The following GIGYF2 variants were observed in gnomAD, a reference collection of about 807,000 sequenced individuals.
The protein encoded by GIGYF2 is GRB10-interacting GYF protein 2.
GIGYF2 carries 25 observed loss-of-function variants against 208.1 expected under a neutral mutation model. The ratio of observed to expected loss-of-function variants is 0.12; its 90% CI spans 0.09 to 0.17. GIGYF2 has a LOEUF of 0.17. Among genes scored for constraint, GIGYF2 ranks in the 10% least tolerant of loss-of-function variants. The pLI is 1.00. For synonymous variants in GIGYF2, 534 were observed against 543.8 expected, an observed-to-expected ratio of 0.98 and a Z score of 0.25; for missense variants, 1,302 against 1,579.4, an observed-to-expected ratio of 0.82 and a Z score of 2.98.
chr2:232,822,551 T>G (rs1701121218), intron 21 of GIGYF2, among the ~76,000 whole-genome samples: 1 of 152,086 alleles, frequency 6.6e-6, no homozygotes, highest in Non-Finnish European at 1.5e-5. Context: ...CGTGGTGGCG[T>G]GCGCCTGTAA....
At position 232,818,535 on chromosome 2, in the gene GIGYF2, G is replaced by A. The variant is rs1446310; in HGVS notation, c.2371-1292G>A. ...ACCACCATTTATTAAAGAGACTGTC[G>A]TTTCCCCCATTGTGTGTTTGTGGCA... On this transcript the variant is annotated intron_variant, in intron 20 of 28. Coordinates refer to ENST00000373563, the MANE Select transcript of GIGYF2 (RefSeq NM_001103146.3). Among the ~76,000 whole-genome samples, 14 of 152,106 alleles carry A rather than the reference G, an allele frequency of 9.2e-5. No individual in the cohort carries two copies. The South Asian group carries it at 2.7e-3, about 29-fold the overall frequency.
At chr2:232,770,852 G>T (rs765523438) in intron 8 of GIGYF2, 2 of 1,322,044 alleles carry the variant, frequency 1.5e-6, no homozygotes, top group Admixed American at 1.8e-5. Flanking sequence ...CTGTAGTTTT[G>T]TTTTGTTTTG....
chr2:232,724,047 A>C (rs1697073359), intron 2 of GIGYF2, among the ~76,000 whole-genome samples: 1 of 145,794 alleles, frequency 6.9e-6, no homozygotes, highest in African/African-American at 2.6e-5. Context: ...CACAGCTAAG[A>C]TTCTTATTTT....
intron 3 of GIGYF2, among the ~76,000 whole-genome samples, chr2:232,746,654 G>C (rs942880064): frequency 6.6e-6 from 1 of 152,004 alleles, no homozygotes; most frequent in African/African-American, 2.4e-5. Flanking sequence ...CTGTTCTTTA[G>C]AGGCAACTTT....
intron 6 of GIGYF2, among the ~76,000 whole-genome samples, chr2:232,756,566 G>T (rs1698550798): frequency 6.6e-6 from 1 of 152,146 alleles, no homozygotes; most frequent in Non-Finnish European, 1.5e-5. Context: ...ACATGAGGGA[G>T]TCTAGACAGT....
intron 27 of GIGYF2, among the ~76,000 whole-genome samples, chr2:232,849,561 G>A (rs1574953951): frequency 1.3e-5 from 2 of 152,158 alleles, no homozygotes; most frequent in South Asian, 2.1e-4. Context: ...CAGGAAGATG[G>A]AAGCCCAGTA....
chr2:232,812,498 A>T lies in GIGYF2; in HGVS notation c.2107+7A>T. 9.2e-7 allele frequency: 1 copy of T among 1,092,780 alleles called. No homozygotes were observed. Among genetic ancestry groups the T allele is most frequent in the Non-Finnish European group, 1.4e-6 (1 of 704,876 alleles). The allele number at this position is 1,092,780 out of a possible 1,614,324, so 67.7% of individuals were successfully genotyped here. On this transcript the variant is annotated splice_region_variant and intron_variant, in intron 18 of 28. Coordinates refer to ENST00000373563, the MANE Select transcript of GIGYF2 (RefSeq NM_001103146.3). ...ACAGCTTCACAGCCTACAGGTAAAA[A>T]CTTAGATTAACCTTTAGTACCACTC...
intron 5 of GIGYF2, among the ~76,000 whole-genome samples, chr2:232,751,102 C>A (rs1698322668): frequency 6.6e-6 from 1 of 152,230 alleles, no homozygotes; most frequent in Admixed American, 6.5e-5. Flanking sequence ...GCTGGGCTTA[C>A]AGGCATGATC....
At chr2:232,739,828 G>T (rs549112801) in intron 3 of GIGYF2, among the ~76,000 whole-genome samples, 1 of 151,628 alleles carries the variant, frequency 6.6e-6, no homozygotes, top group African/African-American at 2.4e-5. Context: ...GGCCGGGCGC[G>T]GTGGCACATG....
intron 9 of GIGYF2, among the ~76,000 whole-genome samples, chr2:232,787,820 C>T (rs1699961769): frequency 6.6e-6 from 1 of 152,162 alleles, no homozygotes; most frequent in Non-Finnish European, 1.5e-5. Context: ...AACATAATCA[C>T]AAGTTCATTC....
intron 14 of GIGYF2, among the ~76,000 whole-genome samples, chr2:232,797,489 T>TTTG (rs1553614939): frequency 1.7e-4 from 24 of 145,090 alleles, no homozygotes; most frequent in African/African-American, 5.7e-4. Context: ...AGAGCAGGGC[T>TTTG]TGTGTGTGTG....
At chr2:232,706,534 T>A (rs574295866) in intron 2 of GIGYF2, among the ~76,000 whole-genome samples, 23 of 152,234 alleles carry the variant, frequency 1.5e-4, no homozygotes, top group African/African-American at 5.1e-4. Context: ...TCCCATCCAT[T>A]TGGGAGGCTG....
At chr2:232,731,117 C>G (rs923226676) in intron 2 of GIGYF2, 8 of 152,010 alleles carry the variant, frequency 5.3e-5, no homozygotes, top group Non-Finnish European at 1.0e-4. Context: ...GTTGTTGTTC[C>G]TTAGATGCTG....
Position 232,841,604 on chromosome 2 carries a change from C to T in GIGYF2, c.2889+1633C>T, listed in dbSNP as rs76011486. Among the ~76,000 whole-genome samples, 23 of 152,180 alleles carry T rather than the reference C, an allele frequency of 1.5e-4. No homozygotes were observed. The East Asian group carries it at 4.2e-3, about 28-fold the overall frequency. On this transcript the variant is annotated intron_variant, in intron 23 of 28. Coordinates refer to ENST00000373563, the MANE Select transcript of GIGYF2 (RefSeq NM_001103146.3). ...TGCTGGAATAACAGACATGAGCCAC[C>T]GTGCCCTGCCTTCATTTGTATTTTC...
At chr2:232,705,267 G>GT (rs1380583987) in intron 2 of GIGYF2, among the ~76,000 whole-genome samples, 3 of 152,178 alleles carry the variant, frequency 2.0e-5, no homozygotes, top group Non-Finnish European at 4.4e-5. Context: ...TAGAGTAGTA[G>GT]TGGGGACCGT....
intron 22 of GIGYF2, among the ~76,000 whole-genome samples, chr2:232,836,280 A>T (rs912758290): frequency 1.7e-3 from 7 of 4,086 alleles, no homozygotes; most frequent in Admixed American, 0.01. Flanking sequence ...ATATATATAT[A>T]TATATATATA....
intron 8 of GIGYF2, among the ~76,000 whole-genome samples, chr2:232,764,803 T>C (rs991885708): frequency 6.6e-6 from 1 of 152,220 alleles, no homozygotes; most frequent in Non-Finnish European, 1.5e-5. Context: ...TTCACACATA[T>C]TCACACTTTG....
intron 2 of GIGYF2, chr2:232,729,509 A>G (rs1372195452): frequency 8.0e-7 from 1 of 1,257,138 alleles, no homozygotes; most frequent in Non-Finnish European, 1.1e-6. Flanking sequence ...AAATGCCATG[A>G]CCCAGGATGG....
chr2:232,850,828 A>G lies in GIGYF2; in HGVS notation c.3832+419A>G, dbSNP rs562674722. ...CCAAGAAGAGAACCAGTATATGTTC[A>G]TAATCACTCTATGTATCATATAATT... On this transcript the variant is annotated intron_variant, in intron 28 of 28. Coordinates refer to ENST00000373563, the MANE Select transcript of GIGYF2 (RefSeq NM_001103146.3). 5.0e-3 allele frequency among the ~76,000 whole-genome samples: 767 copies of G among 152,354 alleles called. 3 individuals are homozygous for G. Among genetic ancestry groups the G allele is most frequent in the Non-Finnish European group, 7.5e-3 (507 of 68,032 alleles).
Sources: allele counts gnomAD v4.1 joint callset (sites outside exome capture counted in the v4.1 genomes callset), GRCh38; gene constraint gnomAD v4.1.1; transcripts MANE v1.5; gene names NCBI Gene and HGNC (gene_info 2026-07-23, HGNC 2026-07-21).